Variants in TMTC2 observed in about 807,000 individuals in gnomAD.
TMTC2 encodes protein O-mannosyl-transferase TMTC2.
A neutral mutation model predicts 82.4 loss-of-function variants in TMTC2; 43 were observed. That is an observed-to-expected ratio of 0.52 (90% CI 0.41 to 0.67). TMTC2 has a LOEUF of 0.67. Among genes scored for constraint, TMTC2 ranks in the 30% least tolerant of loss-of-function variants. TMTC2 has a pLI of 0.00. For synonymous variants in TMTC2, 408 were observed against 381.9 expected (o/e 1.07, Z -0.80); for missense variants, 919 against 1,012.4 (o/e 0.91, Z 1.25).
At chr12:82,882,168 T>C (rs1872862711) in intron 2 of TMTC2, among the ~76,000 whole-genome samples, 1 of 150,296 alleles carries the variant, frequency 6.7e-6, no homozygotes, top group Non-Finnish European at 1.5e-5. Context: ...CCCAGCTAAT[T>C]TTTTGTATTT....
At chr12:82,790,283 C>T (rs1454792902) in intron 1 of TMTC2, among the ~76,000 whole-genome samples, 3 of 151,534 alleles carry the variant, frequency 2.0e-5, no homozygotes, top group Non-Finnish European at 4.4e-5. Flanking sequence ...GATTTCATTA[C>T]TGTAATTGTG....
chr12:82,858,996 A>G (rs1871394291), intron 2 of TMTC2, among the ~76,000 whole-genome samples: 2 of 151,530 alleles, frequency 1.3e-5, no homozygotes. Context: ...GGAGGTTATG[A>G]TGTATTTGAG....
In TMTC2 at chr12:83,016,138, T is replaced by C. The variant is rs75536677; in HGVS notation, c.2071-14660T>C. The stretch of plus-strand genomic sequence containing the variant: ...AGTTTAGTTGTTACATAACCCTGTT[T>C]GGTCAAAAAATGTGTTTTGAGTTGA... On this transcript the variant is annotated intron_variant, in intron 8 of 11. Coordinates refer to ENST00000321196, the MANE Select transcript of TMTC2 (RefSeq NM_152588.3). Among the ~76,000 whole-genome samples the C allele has an allele frequency of 8.7e-3, 1,324 of 152,336 alleles. 13 individuals carry two copies. The highest frequency in any genetic ancestry group is 0.014 in the Non-Finnish European group (955 of 68,016).
At chr12:82,970,963 CA>C (rs1393032686) in intron 7 of TMTC2, among the ~76,000 whole-genome samples, 1 of 152,016 alleles carries the variant, frequency 6.6e-6, no homozygotes, top group Admixed American at 6.6e-5. Flanking sequence ...CTTTTTCTGT[CA>C]TGATTTATTT....
chr12:82,940,907 C>T (rs1291920845), intron 4 of TMTC2, among the ~76,000 whole-genome samples: 6 of 151,820 alleles, frequency 4.0e-5, no homozygotes, highest in Admixed American at 3.9e-4. Context: ...ATAGTATGTG[C>T]CTCTTTATAT....
intron 9 of TMTC2, among the ~76,000 whole-genome samples, chr12:83,036,809 C>T (rs142763388): frequency 6.6e-6 from 1 of 152,114 alleles, no homozygotes; most frequent in East Asian, 1.9e-4. Context: ...AAGGGCATTG[C>T]CTTTGCTTCT....
At chr12:82,748,831 C>G (rs1000142534) in intron 1 of TMTC2, among the ~76,000 whole-genome samples, 1 of 152,134 alleles carries the variant, frequency 6.6e-6, no homozygotes, top group African/African-American at 2.4e-5. Flanking sequence ...GAGCCAAGAT[C>G]GTGCCATTGC....
intron 1 of TMTC2, among the ~76,000 whole-genome samples, chr12:82,700,664 ATAGT>A (rs1194360729): frequency 2.6e-5 from 4 of 152,226 alleles, no homozygotes; most frequent in Admixed American, 1.3e-4. Context: ...TTTGCAGTGT[ATAGT>A]TAATGAAATG....
At chr12:82,844,733 C>T (rs1471644826) in intron 1 of TMTC2, among the ~76,000 whole-genome samples, 2 of 150,690 alleles carry the variant, frequency 1.3e-5, no homozygotes, top group African/African-American at 2.4e-5. Context: ...ACCCAGGAGG[C>T]GGAGCTTGCA....
At chr12:82,739,508 G>A (rs891434232) in intron 1 of TMTC2, among the ~76,000 whole-genome samples, 1 of 152,078 alleles carries the variant, frequency 6.6e-6, no homozygotes, top group Non-Finnish European at 1.5e-5. Context: ...GAGCAACAAG[G>A]TAGATGGAGT....
At chr12:82,732,510 T>TA (rs1201096516) in intron 1 of TMTC2, among the ~76,000 whole-genome samples, 5 of 152,030 alleles carry the variant, frequency 3.3e-5, no homozygotes, top group African/African-American at 1.2e-4. Context: ...GCTTGGCTAA[T>TA]TTTTTTGTAT....
intron 9 of TMTC2, among the ~76,000 whole-genome samples, chr12:83,033,258 T>G (rs1881514538): frequency 6.6e-6 from 1 of 152,194 alleles, no homozygotes; most frequent in Admixed American, 6.5e-5. Flanking sequence ...TAAGAGAATC[T>G]TAATGATTTT....
intron 1 of TMTC2, among the ~76,000 whole-genome samples, chr12:82,776,264 A>G (rs1176657806): frequency 6.6e-6 from 1 of 152,140 alleles, no homozygotes; most frequent in Admixed American, 6.6e-5. Context: ...TAAAGAGAGG[A>G]AAAGGCCAAC....
intron 1 of TMTC2, among the ~76,000 whole-genome samples, chr12:82,736,405 C>G (rs1254139400): frequency 6.6e-6 from 1 of 151,862 alleles, no homozygotes; most frequent in Non-Finnish European, 1.5e-5. Flanking sequence ...AGTAAAGTCC[C>G]ATTATCATGT....
intron 1 of TMTC2, among the ~76,000 whole-genome samples, chr12:82,832,329 G>T (rs1185738255): frequency 1.3e-5 from 2 of 149,332 alleles, no homozygotes; most frequent in Non-Finnish European, 2.9e-5. Flanking sequence ...TCCACAGCTA[G>T]ACTTTATGTA....
At chr12:82,724,888 C>T (rs1874376838) in intron 1 of TMTC2, among the ~76,000 whole-genome samples, 1 of 152,028 alleles carries the variant, frequency 6.6e-6, no homozygotes, top group South Asian at 2.1e-4. Context: ...TATGTTTGTA[C>T]AATAAACACA....
intron 1 of TMTC2, among the ~76,000 whole-genome samples, chr12:82,854,576 G>T (rs2137111734): frequency 6.6e-6 from 1 of 152,218 alleles, no homozygotes; most frequent in East Asian, 1.9e-4. Flanking sequence ...TTAGTATGAA[G>T]GGAAGATAGG....
At chr12:82,727,472 G>C (rs984751492) in intron 1 of TMTC2, among the ~76,000 whole-genome samples, 3 of 152,006 alleles carry the variant, frequency 2.0e-5, no homozygotes, top group African/African-American at 7.2e-5. Context: ...TTAAGGCTGG[G>C]CGTGGTGGCT....
intron 1 of TMTC2, among the ~76,000 whole-genome samples, chr12:82,744,350 G>C (rs529568646): frequency 1.3e-5 from 2 of 152,270 alleles, no homozygotes; most frequent in East Asian, 1.9e-4. Context: ...TTGAACCTGG[G>C]AGGCAGAGGT....
Sources: gnomAD v4.1 joint callset for allele counts (sites outside exome capture counted in the v4.1 genomes callset) on GRCh38, gnomAD v4.1.1 for gene constraint, MANE v1.5 for transcripts, NCBI Gene and HGNC (gene_info 2026-07-23, HGNC 2026-07-21) for gene names.